Variants in OPCML observed in about 807,000 individuals in gnomAD.
OPCML encodes opioid-binding protein/cell adhesion molecule.
A neutral mutation model predicts 37.8 loss-of-function variants in OPCML; 13 were observed. The ratio of observed to expected loss-of-function variants is 0.34; its 90% confidence interval spans 0.22 to 0.55. The LOEUF (loss-of-function observed/expected upper bound fraction) is 0.55. Ranked by LOEUF, OPCML falls within the 20% of genes least tolerant of loss-of-function variation. The probability of loss-of-function intolerance (pLI) is 0.91; values close to 1 mark genes in which losing one functional copy is unlikely to be tolerated. For missense variants in OPCML, 341 were observed against 435.6 expected (o/e 0.78, Z 1.93); for synonymous variants, 176 against 168.8 (o/e 1.04, Z -0.33).
chr11:133,157,056 TACATTTGC>T (rs1478275025), intron 1 of OPCML, among the ~76,000 whole-genome samples: 2 of 152,076 alleles, frequency 1.3e-5, no homozygotes, highest in African/African-American at 4.8e-5. Context: ...GGGCTCCGGC[TACATTTGC>T]ACATTTGCAT....
intron 2 of OPCML, among the ~76,000 whole-genome samples, chr11:132,762,759 G>A (rs1334559383): frequency 6.6e-6 from 1 of 152,118 alleles, no homozygotes; most frequent in African/African-American, 2.4e-5. Flanking sequence ...CTCCGTGGGG[G>A]TGGGATCTGC....
intron 1 of OPCML, among the ~76,000 whole-genome samples, chr11:133,392,719 G>A (rs1945198748): frequency 6.6e-6 from 1 of 152,220 alleles, no homozygotes; most frequent in African/African-American, 2.4e-5. Flanking sequence ...CCAAGAGGAA[G>A]TAAGATGTAT....
At chr11:133,112,197 A>AT (rs1293902361) in intron 1 of OPCML, among the ~76,000 whole-genome samples, 1 of 138,970 alleles carries the variant, frequency 7.2e-6, no homozygotes, top group African/African-American at 2.6e-5. Flanking sequence ...CCATCCAAGG[A>AT]TTTTTTTCGT....
intron 3 of OPCML, among the ~76,000 whole-genome samples, chr11:132,560,603 G>C (rs2096408478): frequency 6.6e-6 from 1 of 152,146 alleles, no homozygotes; most frequent in Admixed American, 6.5e-5. Context: ...GAGAACAAAG[G>C]ATTTTTGATT....
chr11:132,628,760 G>C (rs117911505), intron 3 of OPCML, among the ~76,000 whole-genome samples: 5,201 of 152,166 alleles, frequency 0.034, 124 homozygotes, highest in Middle Eastern at 0.12. Context: ...ATTGAATGAG[G>C]GGGGGCAGTT....
At chr11:133,464,673 G>A (rs1248849157) in intron 1 of OPCML, among the ~76,000 whole-genome samples, 4 of 152,152 alleles carry the variant, frequency 2.6e-5, no homozygotes, top group Admixed American at 2.0e-4. Flanking sequence ...TGAGATGAGG[G>A]CTGTGTGGCT....
intron 4 of OPCML, among the ~76,000 whole-genome samples, chr11:132,476,708 G>C (rs544743322): frequency 1.3e-5 from 2 of 152,024 alleles, no homozygotes; most frequent in African/African-American, 4.8e-5. Flanking sequence ...AGGGAGCAGG[G>C]ATGGATAGCA....
intron 7 of OPCML, among the ~76,000 whole-genome samples, chr11:132,433,516 C>T (rs1043426274): frequency 6.6e-6 from 1 of 152,148 alleles, no homozygotes; most frequent in African/African-American, 2.4e-5. Flanking sequence ...GAAGACTCAG[C>T]AAGTTTAAGT....
intron 1 of OPCML, among the ~76,000 whole-genome samples, chr11:133,016,518 G>A (rs949626793): frequency 2.0e-5 from 3 of 152,138 alleles, no homozygotes; most frequent in African/African-American, 7.2e-5. Flanking sequence ...TTGCTTTTAA[G>A]GGTTCCTATG....
In OPCML at chr11:133,204,624, T is replaced by C. The variant is rs184444120; in HGVS notation, c.62-261614A>G. On this transcript the variant is annotated intron_variant, in intron 1 of 7. Coordinates refer to ENST00000524381, the MANE Select transcript of OPCML (RefSeq NM_001012393.5). ...GTATTTCGTGTTGATATTCCTAAAC[T>C]GACAATTAGTTTCATGATCCTTCAG... Among the ~76,000 whole-genome samples the C allele has an allele frequency of 2.5e-4, 38 of 152,160 alleles. No homozygotes were observed. The East Asian group carries it at 7.2e-3, about 29-fold the overall frequency.
chr11:132,471,651 C>T (rs1203394716), intron 4 of OPCML, among the ~76,000 whole-genome samples: 6 of 152,146 alleles, frequency 3.9e-5, no homozygotes, highest in African/African-American at 9.7e-5. Flanking sequence ...GAAGCTGCAA[C>T]GCTGTAAATG....
rs1054914985 is a variant in OPCML at position 133,323,852 on chromosome 11, C to T, written c.61+208412G>A. The stretch of plus-strand genomic sequence containing the variant: ...CCCCAAACTTCATTTATGCCCTCTC[C>T]GTGCTCCCAACAGGGACACAAATTA... On this transcript the variant is annotated intron_variant, in intron 1 of 7. Transcript: ENST00000524381. Among the ~76,000 whole-genome samples, 15 of 152,212 alleles carry T rather than the reference C, an allele frequency of 9.9e-5. No individual in the cohort carries two copies. The East Asian group carries it at 1.7e-3, about 18-fold the overall frequency.
At chr11:132,993,701 TG>T (rs1221625678) in intron 1 of OPCML, among the ~76,000 whole-genome samples, 2 of 152,234 alleles carry the variant, frequency 1.3e-5, no homozygotes, top group Admixed American at 6.5e-5. Flanking sequence ...TGGAATCAAC[TG>T]GAATCACCCT....
intron 3 of OPCML, among the ~76,000 whole-genome samples, chr11:132,532,366 G>A (rs1009608079): frequency 6.6e-6 from 1 of 152,178 alleles, no homozygotes; most frequent in Non-Finnish European, 1.5e-5. Context: ...GGATGAATTG[G>A]CAGAAAGGGA....
chr11:133,369,687 T>A (rs1944630495), intron 1 of OPCML, among the ~76,000 whole-genome samples: 1 of 152,114 alleles, frequency 6.6e-6, no homozygotes, highest in African/African-American at 2.4e-5. Flanking sequence ...CCCAACTCTG[T>A]ACCATTCACC....
At chr11:132,923,095 T>TA (rs11440384) in intron 2 of OPCML, among the ~76,000 whole-genome samples, 33 of 144,050 alleles carry the variant, frequency 2.3e-4, no homozygotes, top group South Asian at 6.7e-4. Context: ...AATAAATAAA[T>TA]AATAATAATA....
chr11:132,459,382 T>G (rs1424688801), intron 4 of OPCML, among the ~76,000 whole-genome samples: 1 of 147,900 alleles, frequency 6.8e-6, no homozygotes, highest in Non-Finnish European at 1.5e-5. Flanking sequence ...CATGAGCCAA[T>G]TCCTTTCTCT....
chr11:133,077,095 C>T (rs1301361088), intron 1 of OPCML, among the ~76,000 whole-genome samples: 2 of 151,958 alleles, frequency 1.3e-5, no homozygotes, highest in Non-Finnish European at 2.9e-5. Context: ...TTCTGGGTTG[C>T]GGTTCTCTAG....
chr11:132,468,690 C>T (rs1056853585), intron 4 of OPCML, among the ~76,000 whole-genome samples: 2 of 152,136 alleles, frequency 1.3e-5, no homozygotes, highest in Admixed American at 6.6e-5. Context: ...TTGTTCTAAA[C>T]AAGTAATTAA....
Sources: gnomAD v4.1 joint callset for allele counts (sites outside exome capture counted in the v4.1 genomes callset) on GRCh38, gnomAD v4.1.1 for gene constraint, MANE v1.5 for transcripts, NCBI Gene and HGNC (gene_info 2026-07-23, HGNC 2026-07-21) for gene names.